The following RFPL1 variants were observed in gnomAD, a reference collection of about 807,000 sequenced individuals.
RFPL1 encodes the protein ret finger protein-like 1.
In RFPL1, 6 loss-of-function variants were observed where a neutral mutation model predicts 9.6. That is an observed-to-expected ratio of 0.62 (90% confidence interval 0.34 to 1.23). RFPL1 has a LOEUF of 1.23. Ranked by LOEUF, RFPL1 falls within the 50% of genes most tolerant of loss-of-function variation. The pLI, the probability that RFPL1 is intolerant of heterozygous loss-of-function variation, is 0.03. For missense variants in RFPL1, 352 were observed against 398.4 expected (o/e 0.88, Z 0.99); for synonymous variants, 145 against 149.4 (o/e 0.97, Z 0.22).
At chr22:29,403,768 C>T in the RFPL1 span, among the ~76,000 whole-genome samples, 3 of 152,162 alleles carry the variant, frequency 2.0e-5, no homozygotes, top group Admixed American at 2.0e-4. Flanking sequence ...ATTCCAAAAA[C>T]GTGGCAATAC....
chr22:29,436,532 G>A (rs1015990493), upstream of RFPL1: 2 of 151,246 alleles, frequency 1.3e-5, no homozygotes, highest in Admixed American at 6.6e-5. Flanking sequence ...CCCAGGAGCC[G>A]GATGTTGCAG....
At chr22:29,405,251 A>G in the RFPL1 span, among the ~76,000 whole-genome samples, 1 of 152,150 alleles carries the variant, frequency 6.6e-6, no homozygotes, top group Non-Finnish European at 1.5e-5. Context: ...AGCAGAAGCA[A>G]GGCGTGAGTG....
At chr22:29,441,013 T>G (rs1439852473) in intron 1 of RFPL1, 2 of 154,194 alleles carry the variant, frequency 1.3e-5, no homozygotes, top group African/African-American at 4.8e-5. Flanking sequence ...AGCCTCCTAA[T>G]GTCCAGGACC....
chr22:29,400,711 A>G, the RFPL1 span, among the ~76,000 whole-genome samples: 1 of 152,112 alleles, frequency 6.6e-6, no homozygotes, highest in African/African-American at 2.4e-5. Context: ...AGAAGCCCTC[A>G]GTTGATGTCT....
chr22:29,439,359 C>T, intron 1 of RFPL1, 195 bp downstream of exon 1: 2 of 819,576 alleles, frequency 2.4e-6, no homozygotes, highest in Non-Finnish European at 3.7e-6. Context: ...GCTGGCTGGG[C>T]ATGGTGGCTC....
the RFPL1 span, among the ~76,000 whole-genome samples, chr22:29,416,934 A>G: frequency 2.6e-5 from 4 of 152,222 alleles, no homozygotes; most frequent in African/African-American, 9.6e-5. Flanking sequence ...GGCCTTCTCA[A>G]GATGTGAAAT....
chr22:29,418,854 C>T, the RFPL1 span, among the ~76,000 whole-genome samples: 7 of 152,246 alleles, frequency 4.6e-5, no homozygotes, highest in East Asian at 1.4e-3. Flanking sequence ...GTCCTCTTCC[C>T]CAGCCAGTAC....
chr22:29,396,897 C>CTTTTTTTT, the RFPL1 span, among the ~76,000 whole-genome samples: 2 of 72,578 alleles, frequency 2.8e-5, no homozygotes, highest in Non-Finnish European at 4.8e-5. Context: ...CCTGAAACTT[C>CTTTTTTTT]TTTTTTTTTT....
chr22:29,395,585 C>T, the RFPL1 span, among the ~76,000 whole-genome samples: 1 of 152,182 alleles, frequency 6.6e-6, no homozygotes, highest in South Asian at 2.1e-4. Flanking sequence ...CCTGCTCAGC[C>T]CCTCCTAGCT....
the RFPL1 span, among the ~76,000 whole-genome samples, chr22:29,388,936 C>G: frequency 4.6e-5 from 7 of 152,216 alleles, no homozygotes; most frequent in African/African-American, 1.4e-4. Flanking sequence ...TGCAGTGGCT[C>G]GAAGATCTGG....
At chr22:29,426,045 G>A in the RFPL1 span, among the ~76,000 whole-genome samples, 3 of 152,000 alleles carry the variant, frequency 2.0e-5, no homozygotes, top group South Asian at 4.1e-4. Context: ...ATTTGAGGCC[G>A]GGTGCGGTGG....
chr22:29,398,115 G>A, the RFPL1 span, among the ~76,000 whole-genome samples: 1 of 152,206 alleles, frequency 6.6e-6, no homozygotes, highest in Non-Finnish European at 1.5e-5. Flanking sequence ...AAGCTGGTTA[G>A]TGCCATCTGA....
chr22:29,410,042 C>T, the RFPL1 span, among the ~76,000 whole-genome samples: 1 of 151,674 alleles, frequency 6.6e-6, no homozygotes, highest in Non-Finnish European at 1.5e-5. Context: ...ATCGTCTATG[C>T]TTCATTCGGG....
chr22:29,391,231 C>G, the RFPL1 span, among the ~76,000 whole-genome samples: 37 of 152,168 alleles, frequency 2.4e-4, no homozygotes, highest in African/African-American at 8.7e-4. Flanking sequence ...TCTCACAGTG[C>G]TGGGGACTGG....
chr22:29,421,977 C>T, the RFPL1 span, among the ~76,000 whole-genome samples: 1 of 152,158 alleles, frequency 6.6e-6, no homozygotes, highest in Non-Finnish European at 1.5e-5. Flanking sequence ...GGTCCTGGAT[C>T]AGCTGATCCA....
the RFPL1 span, among the ~76,000 whole-genome samples, chr22:29,421,432 A>G: frequency 2.6e-5 from 4 of 151,510 alleles, no homozygotes; most frequent in African/African-American, 9.7e-5. Context: ...GTCTCAAAAA[A>G]AACAAACAAA....
the RFPL1 span, among the ~76,000 whole-genome samples, chr22:29,427,229 T>C: frequency 6.6e-6 from 1 of 152,138 alleles, no homozygotes; most frequent in Non-Finnish European, 1.5e-5. Flanking sequence ...GGCTGGGAAG[T>C]GCATCTCCCA....
chr22:29,427,396 C>T, the RFPL1 span, among the ~76,000 whole-genome samples: 4 of 152,290 alleles, frequency 2.6e-5, no homozygotes, highest in East Asian at 3.9e-4. Flanking sequence ...AAGCCTGTTC[C>T]TGCCTGTAGC....
the RFPL1 span, among the ~76,000 whole-genome samples, chr22:29,418,648 T>A: frequency 6.6e-6 from 1 of 151,944 alleles, no homozygotes; most frequent in Non-Finnish European, 1.5e-5. Context: ...TACAGGCATG[T>A]GCCACCATGC....
Sources: allele counts gnomAD v4.1 joint callset (sites outside exome capture counted in the v4.1 genomes callset), GRCh38; gene constraint gnomAD v4.1.1; transcripts MANE v1.5; gene names NCBI Gene and HGNC (gene_info 2026-07-23, HGNC 2026-07-21).